The following COX7A2 variants were observed in gnomAD, a reference collection of about 807,000 sequenced individuals.
COX7A2 encodes the protein cytochrome c oxidase subunit 7A2.
In COX7A2, 11 loss-of-function variants were observed where a neutral mutation model predicts 11.6. The ratio of observed to expected loss-of-function variants is 0.95; its 90% CI spans 0.60 to 1.57. The LOEUF (loss-of-function observed/expected upper bound fraction) is 1.57. COX7A2 is among the 40% of genes most tolerant of loss of function. COX7A2 has a pLI of 0.00. For synonymous variants in COX7A2, 30 were observed against 38.2 expected (o/e 0.78, Z 0.79); for missense variants, 106 against 100.9 (o/e 1.05, Z -0.22).
upstream of COX7A2, chr6:75,244,050 T>C (rs1327868930): frequency 2.2e-6 from 1 of 454,614 alleles, no homozygotes; most frequent in African/African-American, 2.0e-5. Context: ...GTAATAAGCT[T>C]AGATGAAGTC....
At chr6:75,249,023 C>T (rs566464957) in intron 1 of COX7A2, among the ~76,000 whole-genome samples, 205 of 152,180 alleles carry the variant, frequency 1.3e-3, no homozygotes, top group African/African-American at 4.6e-3. Context: ...TTTGGGAGGC[C>T]GAGGCGGGCA....
At chr6:75,237,749 T>C, downstream of COX7A2, 1 of 428,354 alleles carries the variant, frequency 2.3e-6, no homozygotes. Context: ...TGACCAAAAG[T>C]TGAAATTATT....
chr6:75,243,989 T>G (rs9360898), upstream of COX7A2: 127,601 of 608,476 alleles, frequency 0.21, 13,991 homozygotes, highest in Middle Eastern at 0.25. Flanking sequence ...TTCAGTAGGC[T>G]GGTCCCTGGA....
upstream of COX7A2, among the ~76,000 whole-genome samples, chr6:75,246,463 A>G (rs1771683947): frequency 6.6e-6 from 1 of 152,142 alleles, no homozygotes; most frequent in Non-Finnish European, 1.5e-5. Context: ...TCTTGTTCAG[A>G]TTATGTCAAA....
At chr6:75,242,851 AAAAT>A (rs1771556303) in intron 1 of COX7A2, among the ~76,000 whole-genome samples, 2 of 151,892 alleles carry the variant, frequency 1.3e-5, no homozygotes, top group East Asian at 3.9e-4. Flanking sequence ...AAAATAAAAT[AAAAT>A]AAATAAAAAC....
At chr6:75,245,892 A>G (rs1192537257), upstream of COX7A2, among the ~76,000 whole-genome samples, 1 of 152,208 alleles carries the variant, frequency 6.6e-6, no homozygotes, top group African/African-American at 2.4e-5. Flanking sequence ...CCATACATGT[A>G]AGAAAGAATA....
At chr6:75,240,416 A>C in intron 2 of COX7A2, 31 bp from the exon 3 acceptor site, 1 of 1,400,032 alleles carries the variant, frequency 7.1e-7, no homozygotes, top group South Asian at 1.3e-5. Context: ...AAAAGACAAT[A>C]ATAAATGTCT....
At chr6:75,241,373 A>T (rs1771496561) in intron 1 of COX7A2, 108 bp from the exon 2 acceptor site, 1 of 995,736 alleles carries the variant, frequency 1.0e-6, no homozygotes, top group Non-Finnish European at 1.4e-6. Flanking sequence ...CTTGAAGCAT[A>T]TCTGATTTGT....
At chr6:75,247,671 G>C (rs959760671), upstream of COX7A2, among the ~76,000 whole-genome samples, 8 of 151,700 alleles carry the variant, frequency 5.3e-5, no homozygotes, top group South Asian at 6.3e-4. Flanking sequence ...TAAAACATAT[G>C]AATGAGGACT....
chr6:75,244,677 C>T (rs1771642132), upstream of COX7A2, among the ~76,000 whole-genome samples: 1 of 152,196 alleles, frequency 6.6e-6, no homozygotes, highest in Non-Finnish European at 1.5e-5. Context: ...CAAACTCTTA[C>T]AAATTATTTG....
intron 1 of COX7A2, among the ~76,000 whole-genome samples, chr6:75,242,440 G>C (rs1771535167): frequency 6.6e-6 from 1 of 151,384 alleles, no homozygotes; most frequent in African/African-American, 2.4e-5. Context: ...CAGGAGGCGG[G>C]GTTTGCAGTG....
At chr6:75,238,840 G>C (rs1285752848) in intron 3 of COX7A2, among the ~76,000 whole-genome samples, 1 of 150,834 alleles carries the variant, frequency 6.6e-6, no homozygotes, top group Non-Finnish European at 1.5e-5. Flanking sequence ...TTTTGAGATG[G>C]AGTCTCCCTC....
chr6:75,248,384 G>A (rs1431959434), upstream of COX7A2, among the ~76,000 whole-genome samples: 2 of 1,668 alleles, frequency 1.2e-3, 1 homozygote, highest in African/African-American at 1.5e-3. Flanking sequence ...CACCGCGCCC[G>A]GCCCACATCC....
upstream of COX7A2, among the ~76,000 whole-genome samples, chr6:75,247,246 C>T (rs776649405): frequency 4.1e-4 from 62 of 151,966 alleles, no homozygotes; most frequent in Middle Eastern, 3.4e-3. Flanking sequence ...TTTTAGCAGA[C>T]AAGATAACCC....
intron 1 of COX7A2, among the ~76,000 whole-genome samples, chr6:75,248,974 C>T (rs1254847365): frequency 2.0e-5 from 3 of 152,118 alleles, no homozygotes; most frequent in Non-Finnish European, 4.4e-5. Context: ...AATTTTGGGC[C>T]GGGCACGGAT....
At chr6:75,239,490 T>G (rs1255694416) in intron 3 of COX7A2, among the ~76,000 whole-genome samples, 1 of 152,182 alleles carries the variant, frequency 6.6e-6, no homozygotes, top group East Asian at 1.9e-4. Context: ...CTCACAGAAA[T>G]CCAAGTATGT....
chr6:75,245,153 A>G (rs1251466309), upstream of COX7A2, among the ~76,000 whole-genome samples: 1 of 152,158 alleles, frequency 6.6e-6, no homozygotes, highest in Non-Finnish European at 1.5e-5. Context: ...TACATCAATT[A>G]ATTACATTGG....
chr6:75,249,603 G>T (rs1490428075), intron 1 of COX7A2, among the ~76,000 whole-genome samples: 1 of 152,204 alleles, frequency 6.6e-6, no homozygotes, highest in East Asian at 1.9e-4. Context: ...GGGAAGAAAG[G>T]TTGGGTAAGA....
At chr6:75,243,836 A>T (rs528896046), upstream of COX7A2, 472 of 1,613,548 alleles carry the variant, frequency 2.9e-4, 9 homozygotes, top group South Asian at 3.9e-3. Context: ...TGCATTCACG[A>T]ACTTAAATCT....
Sources: gnomAD v4.1 joint callset for allele counts (sites outside exome capture counted in the v4.1 genomes callset) on GRCh38, gnomAD v4.1.1 for gene constraint, MANE v1.5 for transcripts, NCBI Gene and HGNC (gene_info 2026-07-23, HGNC 2026-07-21) for gene names.